The following AHNAK variants were observed in gnomAD, a reference collection of about 807,000 sequenced individuals.
AHNAK encodes the protein AHNAK nucleoprotein.
AHNAK carries 23 observed loss-of-function variants against 37.8 expected under a neutral mutation model. The observed-to-expected ratio is 0.61, with a 90% CI of 0.44 to 0.86. The LOEUF is 0.86. Among genes scored for constraint, AHNAK ranks in the 40% least tolerant of loss-of-function variants. AHNAK has a pLI of 0.00. For missense variants in AHNAK, 7,411 were observed against 7,319.4 expected (o/e 1.01, Z -0.46); for synonymous variants, 2,481 against 2,636.3 (o/e 0.94, Z 1.80).
chr11:62,495,260 A>G (rs934152728), intron 4 of AHNAK, among the ~76,000 whole-genome samples: 5 of 152,156 alleles, frequency 3.3e-5, no homozygotes, highest in Non-Finnish European at 5.9e-5. Context: ...TAAACCATCC[A>G]TTCATGTTTC....
At position 62,516,018 on chromosome 11, in the gene AHNAK, G is replaced by T. The variant is rs992402552; in HGVS notation, c.*726C>A. 3.4e-6 allele frequency: 4 copies of T among 1,171,156 alleles called. No homozygotes were observed. Among genetic ancestry groups the T allele is most frequent in the South Asian group, 3.4e-5 (2 of 59,690 alleles). The allele number at this position is 1,171,156 out of a possible 1,614,324, so 72.5% of individuals were successfully genotyped here. A position where few individuals can be genotyped will look rare whatever the true frequency, so the allele number is the denominator to read the frequency against. On this transcript the variant is annotated 3_prime_UTR_variant, in exon 5 of 5. Coordinates refer to ENST00000378024, the MANE Select transcript of AHNAK (RefSeq NM_001620.3). ...TAATCATGATAACATTTGTTAAAAA[G>T]AAATCAGAACTAATATCAGGAACAT... is the stretch of plus-strand genomic sequence containing the variant.
chr11:62,472,599 G>A (rs1012475314), intron 5 of AHNAK, among the ~76,000 whole-genome samples: 1 of 151,854 alleles, frequency 6.6e-6, no homozygotes, highest in Non-Finnish European at 1.5e-5. Flanking sequence ...CTCAAACCCT[G>A]TGCCAGGACA....
Position 62,533,744 on chromosome 11 carries a change from G to A in AHNAK, c.673C>T (p.Arg225Ter), listed in dbSNP as rs761763729. Residue 225 changes from arginine to a stop codon, truncating the protein, a stop_gained, in exon 5 of 5, where the codon CGA becomes TGA. Transcript: ENST00000378024. LOFTEE classifies it low-confidence loss of function (END_TRUNC). ...CCTGAAGCAGAAATGGCCCCTGCTC[G>A]GATATCCACAGCAGAGCCTGTCGGA... ...ASPTGSAVDI[R>*]AGAISASGPE... The A allele has an allele frequency of 1.9e-6, 3 of 1,614,132 alleles. No homozygotes were observed. Among genetic ancestry groups the A allele is most frequent in the Non-Finnish European group, 2.5e-6 (3 of 1,180,036 alleles).
intron 5 of AHNAK, among the ~76,000 whole-genome samples, chr11:62,463,669 AG>A: frequency 6.6e-6 from 1 of 151,866 alleles, no homozygotes; most frequent in Non-Finnish European, 1.5e-5. Context: ...CCTGGAACTG[AG>A]GGGGTTCCTG....
At chr11:62,512,865 A>AG, downstream of AHNAK, among the ~76,000 whole-genome samples, 1 of 123,112 alleles carries the variant, frequency 8.1e-6, no homozygotes, top group Non-Finnish European at 1.6e-5. This position sits in a 1 kb window ranked among gnomAD's most constrained non-coding sequence, Gnocchi z 4.0. Flanking sequence ...GGAAGAAGGA[A>AG]GGAAGGGAGG....
chr11:62,463,780 G>A (rs1449174398), intron 5 of AHNAK, among the ~76,000 whole-genome samples: 5 of 151,266 alleles, frequency 3.3e-5, no homozygotes, highest in African/African-American at 1.2e-4. Context: ...TTGTTTTTTT[G>A]GGAGACAGAG....
chr11:62,520,568 T>G lies in AHNAK; in HGVS notation c.13849A>C (p.Lys4617Gln). ...VKGDMDISLP[K>Q]VEGDLKGPEV... is the part of the protein sequence containing the mutation. ...GGGCCCTTGAGGTCGCCTTCCACTTTGGGCAGAGAAATGTCCATGTCGCCC... is the reference window on the plus strand; with the variant it reads ...GGGCCCTTGAGGTCGCCTTCCACTTGGGGCAGAGAAATGTCCATGTCGCCC... Residue 4617 changes from lysine to glutamine, a missense_variant, in exon 5 of 5, where the codon AAA becomes CAA. Transcript: ENST00000378024. The G allele has an allele frequency of 6.2e-7, 1 of 1,614,218 alleles. No homozygotes were observed.
At chr11:62,441,536 C>T (rs2134781233) in intron 5 of AHNAK, among the ~76,000 whole-genome samples, 1 of 152,074 alleles carries the variant, frequency 6.6e-6, no homozygotes, top group South Asian at 2.1e-4. Flanking sequence ...GTGTCTCACT[C>T]TGCCACCCAG....
rs1238773573 is a variant in AHNAK at position 62,525,361 on chromosome 11, T to A, written c.9056A>T (p.His3019Leu). 6.2e-7 allele frequency: 1 copy of A among 1,612,936 alleles called. No homozygotes were observed. The highest frequency in any genetic ancestry group is 1.3e-5 in the African/African-American group (1 of 74,490). Residue 3019 changes from histidine (H) to leucine (L), a missense_variant, in exon 5 of 5, where the codon CAC becomes CTC. By Grantham distance (99) the His-to-Leu change is moderately conservative. Transcript: ENST00000378024. ...CATTTTCACTTTGGGCATTTTTAGG[T>A]GCCAGTCTGGGCCTTGAACGCCCAC... Reference protein sequence around the residue: ...PDVGVQGPDWHLKMPKVKMPK... With the variant: ...PDVGVQGPDWLLKMPKVKMPK...
chr11:62,459,559 G>C (rs1391580243), intron 5 of AHNAK, among the ~76,000 whole-genome samples: 3 of 152,184 alleles, frequency 2.0e-5, no homozygotes, highest in African/African-American at 7.2e-5. Context: ...GCCCAGAGAT[G>C]AATGCCCCTC....
chr11:62,460,658 A>C (rs914890332), intron 5 of AHNAK, among the ~76,000 whole-genome samples: 1 of 152,198 alleles, frequency 6.6e-6, no homozygotes, highest in African/African-American at 2.4e-5. Context: ...AGAGAAGGAG[A>C]GCAAGCCGTG....
At chr11:62,486,020 CAAAAAA>C (rs139783265) in intron 5 of AHNAK, among the ~76,000 whole-genome samples, 1 of 68,404 alleles carries the variant, frequency 1.5e-5, no homozygotes, top group African/African-American at 5.6e-5. Flanking sequence ...GACTTTGTCT[CAAAAAA>C]AAAAAAAAAA....
rs1940151620 is a variant in AHNAK, at chr11:62,519,518, C to T, written c.14899G>A (p.Gly4967Arg). The change falls in exon 5 of 5, where the codon GGG becomes AGG. Residue 4967 changes from glycine (G) to arginine (R), a missense_variant. Transcript: ENST00000378024. ...AATTTGGGGATTTTAACATCTGGCC[C>T]TTCGATGTTAATATCTGGGCTGTCC... ...HMDSPDINIE[G>R]PDVKIPKFKK... 5.0e-6 allele frequency: 8 copies of T among 1,612,864 alleles called. No individual in the cohort carries two copies. The highest frequency in any genetic ancestry group is 5.9e-6 in the Non-Finnish European group (7 of 1,179,654).
intron 5 of AHNAK, among the ~76,000 whole-genome samples, chr11:62,490,912 C>T (rs1057142552): frequency 6.6e-6 from 1 of 151,946 alleles, no homozygotes; most frequent in African/African-American, 2.4e-5. Flanking sequence ...CTCAGCCTCC[C>T]GAGTAGCTGG....
At chr11:62,440,549 T>C (rs554995760) in intron 5 of AHNAK, among the ~76,000 whole-genome samples, 1 of 152,222 alleles carries the variant, frequency 6.6e-6, no homozygotes, top group East Asian at 1.9e-4. Flanking sequence ...GAGCCTCTAG[T>C]GGACAGAGAT....
chr11:62,492,975 C>CT (rs1323947559), intron 4 of AHNAK, among the ~76,000 whole-genome samples: 1 of 145,946 alleles, frequency 6.9e-6, no homozygotes, highest in Non-Finnish European at 1.5e-5. Context: ...GATTAAATTT[C>CT]TTTTTTATTT....
At chr11:62,469,267 G>A (rs1938979534) in intron 5 of AHNAK, among the ~76,000 whole-genome samples, 2 of 151,954 alleles carry the variant, frequency 1.3e-5, no homozygotes, top group African/African-American at 4.8e-5. Context: ...GACTACAGGT[G>A]CATGCCACCA....
In AHNAK at chr11:62,524,508, T is replaced by C; in HGVS notation, c.9909A>G (p.Lys3303=). Residue 3303 remains lysine (K), a synonymous_variant, in exon 5 of 5, where the codon AAA becomes AAG. Transcript: ENST00000378024. ...CAACATCTCCCTTAAGCTTTGAGCC[T>C]TTCAAATTCAAGTCAATTTCTGGCA... is the stretch of plus-strand genomic sequence containing the variant. ...ISMPEIDLNL[K]GSKLKGDVDV... 1.2e-6 allele frequency: 2 copies of C among 1,614,108 alleles called. No homozygotes were observed. The highest frequency in any genetic ancestry group is 1.3e-5 in the African/African-American group (1 of 75,022).
At chr11:62,543,346 C>T (rs1233053559) in intron 1 of AHNAK, among the ~76,000 whole-genome samples, 1 of 152,176 alleles carries the variant, frequency 6.6e-6, no homozygotes, top group Non-Finnish European at 1.5e-5. Flanking sequence ...CCGATGACAA[C>T]GCAGGCAGAG....
Sources: gnomAD v4.1 joint callset for allele counts (sites outside exome capture counted in the v4.1 genomes callset) on GRCh38, gnomAD v4.1.1 for gene constraint, Gnocchi (gnomAD v3.1) non-coding constraint, MANE v1.5 for transcripts, NCBI Gene and HGNC (gene_info 2026-07-23, HGNC 2026-07-21) for gene names.